The following LPP variants were observed in gnomAD, a reference collection of about 807,000 sequenced individuals.
LPP encodes LIM domain containing preferred translocation partner in lipoma.
LPP carries 38 observed loss-of-function variants against 60.4 expected under a neutral mutation model. The ratio of observed to expected loss-of-function variants is 0.63; its 90% CI spans 0.49 to 0.83. LPP has a LOEUF of 0.83. Among genes scored for constraint, LPP ranks in the 40% least tolerant of loss-of-function variants. The pLI, the probability that LPP is intolerant of heterozygous loss-of-function variation, is 0.00. For missense variants in LPP, 902 were observed against 783.6 expected, an observed-to-expected ratio of 1.15 and a Z score of -1.80; for synonymous variants, 328 against 290.8, an observed-to-expected ratio of 1.13 and a Z score of -1.30.
chr3:188,509,105 T>C (rs551033463), intron 5 of LPP, among the ~76,000 whole-genome samples: 2 of 152,334 alleles, frequency 1.3e-5, no homozygotes, highest in East Asian at 3.9e-4. Context: ...AGGACGTATC[T>C]TTGGCCACCA....
At chr3:188,564,368 C>T (rs928289902) in intron 6 of LPP, among the ~76,000 whole-genome samples, 4 of 152,084 alleles carry the variant, frequency 2.6e-5, no homozygotes, top group South Asian at 2.1e-4. Context: ...AGCATCCTCA[C>T]GGATAATTCC....
chr3:188,170,660 A>G (rs993129481), intron 1 of LPP, among the ~76,000 whole-genome samples: 4 of 129,784 alleles, frequency 3.1e-5, no homozygotes, highest in African/African-American at 1.0e-4. Flanking sequence ...CATCAACAGC[A>G]TCATTCTAGT....
intron 6 of LPP, among the ~76,000 whole-genome samples, chr3:188,596,361 G>A (rs561254683): frequency 6.6e-6 from 1 of 152,222 alleles, no homozygotes; most frequent in African/African-American, 2.4e-5. Context: ...GTTCCTAATA[G>A]TCACTCTTCA....
chr3:188,371,393 C>A (rs947195679), intron 3 of LPP, among the ~76,000 whole-genome samples: 1 of 151,416 alleles, frequency 6.6e-6, no homozygotes, highest in African/African-American at 2.4e-5. Flanking sequence ...AAACCTCATA[C>A]TCTGAAGAGG....
intron 9 of LPP, among the ~76,000 whole-genome samples, chr3:188,793,689 C>T (rs552579148): frequency 6.6e-6 from 1 of 152,058 alleles, no homozygotes; most frequent in South Asian, 2.1e-4. Flanking sequence ...AAATGGGCAA[C>T]TTTTCTAGCC....
chr3:188,853,822 T>C (rs920845968), intron 9 of LPP, among the ~76,000 whole-genome samples: 1 of 101,070 alleles, frequency 9.9e-6, no homozygotes. Context: ...GCACTTTAGA[T>C]TTTTTTCTTT....
At chr3:188,285,013 A>T (rs1743443552) in intron 2 of LPP, among the ~76,000 whole-genome samples, 1 of 152,094 alleles carries the variant, frequency 6.6e-6, no homozygotes, top group African/African-American at 2.4e-5. Context: ...AGGGGGCATA[A>T]GCAAGTGAAG....
intron 6 of LPP, among the ~76,000 whole-genome samples, chr3:188,545,946 A>G (rs148098298): frequency 1.4e-4 from 22 of 152,306 alleles, no homozygotes; most frequent in Admixed American, 5.9e-4. Flanking sequence ...ATCTGTGTAC[A>G]GTACAGCCTG....
At chr3:188,636,029 A>C (rs574214387) in intron 7 of LPP, among the ~76,000 whole-genome samples, 1 of 152,228 alleles carries the variant, frequency 6.6e-6, no homozygotes, top group African/African-American at 2.4e-5. Flanking sequence ...TCCCTGGATT[A>C]TGTTTAAGAA....
chr3:188,714,886 T>G (rs996941747), intron 8 of LPP, among the ~76,000 whole-genome samples: 2 of 152,138 alleles, frequency 1.3e-5, no homozygotes, highest in Non-Finnish European at 2.9e-5. Context: ...AACACTACCC[T>G]GTAGAGGAAA....
chr3:188,247,540 AT>A, intron 2 of LPP, among the ~76,000 whole-genome samples: 1 of 152,168 alleles, frequency 6.6e-6, no homozygotes, highest in African/African-American at 2.4e-5. Context: ...GCGTTGGCTC[AT>A]GCCTGTAATC....
intron 9 of LPP, among the ~76,000 whole-genome samples, chr3:188,816,198 C>CTTTTTT (rs34839724): frequency 4.9e-4 from 51 of 103,934 alleles, no homozygotes; most frequent in East Asian, 1.5e-3. Flanking sequence ...GCTTCCTTCT[C>CTTTTTT]TTTTTTTTTT....
intron 4 of LPP, among the ~76,000 whole-genome samples, chr3:188,466,834 T>TAGATAG (rs1553906193): frequency 1.6e-5 from 2 of 126,148 alleles, no homozygotes; most frequent in Non-Finnish European, 3.3e-5. Context: ...TATATATATA[T>TAGATAG]ATATATATGC....
intron 9 of LPP, among the ~76,000 whole-genome samples, chr3:188,826,892 G>A (rs6778476): frequency 0.62 from 93,467 of 151,736 alleles, 29,112 homozygotes; most frequent in East Asian, 0.84. Flanking sequence ...TCATAATGAT[G>A]ATAAGATCCT....
intron 1 of LPP, among the ~76,000 whole-genome samples, chr3:188,164,893 G>A (rs1226476221): frequency 3.3e-5 from 5 of 152,172 alleles, no homozygotes; most frequent in Middle Eastern, 3.4e-3. Flanking sequence ...TCTGGGTTTC[G>A]ACGATGGAAA....
chr3:188,773,671 T>C (rs1204253499), intron 9 of LPP, among the ~76,000 whole-genome samples: 1 of 152,252 alleles, frequency 6.6e-6, no homozygotes. Flanking sequence ...AAAATAAAAT[T>C]GAATCTTCTA....
chr3:188,247,642 T>C lies in LPP; in HGVS notation c.-67+22115T>C, dbSNP rs188632121. Among the ~76,000 whole-genome samples, 754 of 151,892 alleles carry C rather than the reference T, an allele frequency of 5.0e-3. 9 individuals are homozygous for C. Among genetic ancestry groups the C allele is most frequent in the African/African-American group, 0.017 (709 of 41,402 alleles). The stretch of plus-strand genomic sequence containing the variant: ...GGTGAAACCCTGTTTCTACTAAAAA[T>C]ACAAAAATTAGCTGGGCATGGTGGC... On this transcript the variant is annotated intron_variant, in intron 2 of 11. Transcript: ENST00000617246.
At chr3:188,825,462 T>C (rs544311654) in intron 9 of LPP, among the ~76,000 whole-genome samples, 2 of 152,066 alleles carry the variant, frequency 1.3e-5, no homozygotes, top group Non-Finnish European at 2.9e-5. Context: ...GTGTATATAC[T>C]GCTAAGGAAG....
At chr3:188,848,472 G>C (rs569058117) in intron 9 of LPP, among the ~76,000 whole-genome samples, 1 of 149,986 alleles carries the variant, frequency 6.7e-6, no homozygotes, top group East Asian at 1.9e-4. Context: ...CCAGTCAATA[G>C]CAGGGCAGCG....
Sources: gnomAD v4.1 joint callset for allele counts (sites outside exome capture counted in the v4.1 genomes callset) on GRCh38, gnomAD v4.1.1 for gene constraint, MANE v1.5 for transcripts, NCBI Gene and HGNC (gene_info 2026-07-23, HGNC 2026-07-21) for gene names.